The following JAG2 variants were observed in gnomAD, a reference collection of about 807,000 sequenced individuals.
JAG2 encodes jagged canonical Notch ligand 2, also known as protein jagged-2.
JAG2 carries 46 observed loss-of-function variants against 141.7 expected under a neutral mutation model. That is an observed-to-expected ratio of 0.32 (90% confidence interval 0.26 to 0.42). JAG2 has a LOEUF of 0.42. Among genes scored for constraint, JAG2 ranks in the 10% least tolerant of loss-of-function variants. The pLI, the probability that JAG2 is intolerant of heterozygous loss-of-function variation, is 1.00. For synonymous variants in JAG2, 862 were observed against 763.5 expected (o/e 1.13, Z -2.13); for missense variants, 1,500 against 1,817.5 (o/e 0.83, Z 3.18).
At position 105,167,986 on chromosome 14, in the gene JAG2, C is replaced by A. The variant is rs369874899; in HGVS notation, c.188G>T (p.Gly63Val). Residue 63 changes from glycine to valine, a missense_variant, in exon 2 of 26, where the codon GGC (glycine) becomes GTC (valine). By Grantham distance (109) the Gly-to-Val change is moderately radical. Coordinates refer to ENST00000331782, the MANE Select transcript of JAG2 (RefSeq NM_002226.5). This position sits in a 1 kb window ranked among gnomAD's most constrained non-coding sequence, Gnocchi z 4.8. The stretch of plus-strand genomic sequence containing the variant: ...CACGTACGTGTCGCACTCGTCGTGG[C>A]CGCAGCCCCCCGCGCGCGTTGTCCG... ...DGRTTRAGGCGHDECDTYVRV... is the reference protein window; with the variant it reads ...DGRTTRAGGCVHDECDTYVRV... The A allele has an allele frequency of 3.1e-6, 5 of 1,602,130 alleles. No individual in the cohort carries two copies. The Admixed American group carries it at 5.0e-5, about 16-fold the overall frequency.
intron 24 of JAG2, among the ~76,000 whole-genome samples, 159 bp downstream of exon 24, chr14:105,144,771 T>G (rs1888171591): frequency 6.6e-6 from 1 of 152,166 alleles, no homozygotes; most frequent in Admixed American, 6.5e-5. Context: ...GTTCCACGGG[T>G]CTGCGGCATG....
rs927564963 is a variant in JAG2, at chr14:105,142,573, T to G, written c.*122A>C. On this transcript the variant is annotated 3_prime_UTR_variant, in exon 26 of 26. Coordinates refer to ENST00000331782, the MANE Select transcript of JAG2 (RefSeq NM_002226.5). ...ACGTAGAAAATAAACATTTGGTTTT[T>G]GTTTTTGGTGGTTTTTTTACACAAA... 9 of 693,474 alleles carry G rather than the reference T, an allele frequency of 1.3e-5. No individual in the cohort carries two copies. The highest frequency in any genetic ancestry group is 1.7e-5 in the Non-Finnish European group (7 of 417,412). The allele number at this position is 693,474 out of a possible 1,614,324, so 43.0% of individuals were successfully genotyped here.
Position 105,167,636 on chromosome 14 carries a change from G to C in JAG2, c.417+121C>G. On this transcript the variant is annotated intron_variant, in intron 2 of 25. Transcript: ENST00000331782. The surrounding 1 kb of genome is among the most constrained non-coding windows in gnomAD (Gnocchi z 4.8). ...ACGCGCCCCCTGCCGGCCCCGCCCC[G>C]CCTGGGCGCGCGCGGCTCGCACGCA... The C allele has an allele frequency of 2.6e-6, 3 of 1,143,138 alleles. No homozygotes were observed. Among genetic ancestry groups the C allele is most frequent in the Non-Finnish European group, 1.1e-6 (1 of 921,774 alleles). 70.8% of individuals were successfully genotyped at this position (1,143,138 alleles called of 1,614,324 possible).
Position 105,148,132 on chromosome 14 carries a change from G to A in JAG2, c.2232C>T (p.Gly744=). 6.5e-7 allele frequency: 1 copy of A among 1,548,728 alleles called. No individual in the cohort carries two copies. The highest frequency in any genetic ancestry group is 1.4e-5 in the African/African-American group (1 of 73,134). The change falls in exon 17 of 26, where the codon GGC becomes GGT. Residue 744 remains glycine, a synonymous_variant. Coordinates refer to ENST00000331782, the MANE Select transcript of JAG2 (RefSeq NM_002226.5). ...FRCACPPGWK[G]STCAVAKNSS... ...GCTCCTCACCGACGGCGCAGGTGCT[G>A]CCCTTCCAGCCGGGGGGGCAGGCGC...
intron 2 of JAG2, among the ~76,000 whole-genome samples, chr14:105,162,751 GTGCACCC>G (rs1468595917): frequency 0.013 from 932 of 74,132 alleles, 2 homozygotes; most frequent in African/African-American, 0.049. Flanking sequence ...CCACAGCCTT[GTGCACCC>G]CATGGCCCAG....
chr14:105,158,994 C>CA lies in JAG2; in HGVS notation c.418-1232dup, dbSNP rs376276020. Among the ~76,000 whole-genome samples, 174 of 152,186 alleles carry CA rather than the reference C, an allele frequency of 1.1e-3. 2 individuals carry two copies. Among genetic ancestry groups the CA allele is most frequent in the African/African-American group, 3.9e-3 (160 of 41,482 alleles). On this transcript the variant is annotated intron_variant, in intron 2 of 25. Transcript: ENST00000331782. ...CCCGCCGCCCACCCCACGCACGTCCCAGTGCCTCGGCCTCATCCAGCTAAG... is the reference window on the plus strand; with the variant it reads ...CCCGCCGCCCACCCCACGCACGTCCCAAGTGCCTCGGCCTCATCCAGCTAAG...
chr14:105,168,478 C>A lies in JAG2; in HGVS notation c.-58G>T. ...CCGCCGCCCGCGCCCGGCTCCCAGC[C>A]GCCGCGCCGGCCTCCCAGCGCCCGC... On this transcript the variant is annotated 5_prime_UTR_variant, in exon 1 of 26. Coordinates refer to ENST00000331782, the MANE Select transcript of JAG2 (RefSeq NM_002226.5). 1 of 466,170 alleles carries A rather than the reference C, an allele frequency of 2.1e-6. No homozygotes were observed. Among genetic ancestry groups the A allele is most frequent in the Non-Finnish European group, 2.8e-6 (1 of 358,548 alleles). 28.9% of individuals were successfully genotyped at this position (466,170 alleles called of 1,614,324 possible). A position where few individuals can be genotyped will look rare whatever the true frequency, so the allele number is the denominator to read the frequency against.
rs1888532979 is a variant in JAG2 at position 105,154,851 on chromosome 14, A to G, written c.788+711T>C. On this transcript the variant is annotated intron_variant, in intron 5 of 25. Coordinates refer to ENST00000331782, the MANE Select transcript of JAG2 (RefSeq NM_002226.5). The surrounding 1 kb of genome is among the most constrained non-coding windows in gnomAD (Gnocchi z 4.4). ...TTCCTCCTGCCACCATGGCTCTGCT[A>G]CTCAGCAGCTTGGGGTTCTCCCTGA... Among the ~76,000 whole-genome samples, 1 of 151,628 alleles carries G rather than the reference A, an allele frequency of 6.6e-6. No individual in the cohort carries two copies. Among genetic ancestry groups the G allele is most frequent in the Non-Finnish European group, 1.5e-5 (1 of 67,908 alleles).
intron 1 of JAG2, 108 bp downstream of exon 1, chr14:105,168,247 C>G (rs1193142223): frequency 1.3e-6 from 1 of 781,716 alleles, no homozygotes; most frequent in Non-Finnish European, 1.6e-6. Context: ...CGCGCGCAGC[C>G]TCGAGGGCTT....
rs977927667 is a variant in JAG2 at position 105,145,716 on chromosome 14, C to T, written c.2952+15G>A. The T allele has an allele frequency of 6.3e-7, 1 of 1,585,662 alleles. No individual in the cohort carries two copies. Among genetic ancestry groups the T allele is most frequent in the Non-Finnish European group, 8.6e-7 (1 of 1,166,740 alleles). ...GTGTGGCCTCTGCAAGCTCAGATGC[C>T]ACCAGGCCCCTCACCTGGGGCACGT... On this transcript the variant is annotated intron_variant, in intron 23 of 25. Coordinates refer to ENST00000331782, the MANE Select transcript of JAG2 (RefSeq NM_002226.5).
Position 105,141,428 on chromosome 14 carries a change from T to C in JAG2, c.*1267A>G, listed in dbSNP as rs587631770. The stretch of plus-strand genomic sequence containing the variant: ...ATACGTATTCGTGGGTAAGCAATTT[T>C]ATACTATTTTATAAAACTGTTTTCA... On this transcript the variant is annotated 3_prime_UTR_variant, in exon 26 of 26. Transcript: ENST00000331782. The C allele has an allele frequency of 1.3e-5, 2 of 152,388 alleles. No individual in the cohort carries two copies. Among genetic ancestry groups the C allele is most frequent in the East Asian group, 3.9e-4 (2 of 5,190 alleles). 9.4% of individuals were successfully genotyped at this position (152,388 alleles called of 1,614,324 possible).
chr14:105,146,804 G>T, intron 20 of JAG2, 80 bp from the exon 21 acceptor site: 2 of 1,141,820 alleles, frequency 1.8e-6, no homozygotes, highest in Non-Finnish European at 2.6e-6. Context: ...GCAGCGGGGA[G>T]CCAGTGGCAC....
intron 5 of JAG2, among the ~76,000 whole-genome samples, chr14:105,153,568 C>T (rs1888499828): frequency 6.6e-6 from 1 of 152,092 alleles, no homozygotes; most frequent in African/African-American, 2.4e-5. Context: ...CCCCAGGGCC[C>T]TGGAGAGGCG....
chr14:105,158,772 G>A (rs1450401078), intron 2 of JAG2, among the ~76,000 whole-genome samples: 1 of 152,076 alleles, frequency 6.6e-6, no homozygotes, highest in African/African-American at 2.4e-5. Flanking sequence ...GGAGGGGGCT[G>A]GGGCTGAGTC....
intron 2 of JAG2, among the ~76,000 whole-genome samples, chr14:105,162,779 G>C (rs1458570593): frequency 0.013 from 1,026 of 80,338 alleles, 2 homozygotes; most frequent in African/African-American, 0.031. Context: ...TGTACCCACA[G>C]TCCAGGGCAC....
rs763445851 is a variant in JAG2 at position 105,145,074 on chromosome 14, AGGCAGTGCGTG to A, written c.2953-24_2953-14del. The A allele has an allele frequency of 1.6e-5, 25 of 1,609,434 alleles. No homozygotes were observed. The South Asian group carries it at 2.6e-4, about 17-fold the overall frequency. ...CCACCGTGGTGCCCTGGGCAGAGAC[AGGCAGTGCGTG>A]GGCAGGGCAGGGCCGTGAACCTGAC... On this transcript the variant is annotated splice_polypyrimidine_tract_variant and intron_variant, in intron 23 of 25. Coordinates refer to ENST00000331782, the MANE Select transcript of JAG2 (RefSeq NM_002226.5).
rs970834719 is a variant in JAG2 at position 105,155,479 on chromosome 14, C to T, written c.788+83G>A. The T allele has an allele frequency of 6.6e-6, 10 of 1,521,866 alleles. No homozygotes were observed. The African/African-American group carries it at 9.6e-5, about 15-fold the overall frequency. The allele number at this position is 1,521,866 out of a possible 1,614,324, so 94.3% of individuals were successfully genotyped here. On this transcript the variant is annotated intron_variant, in intron 5 of 25. Coordinates refer to ENST00000331782, the MANE Select transcript of JAG2 (RefSeq NM_002226.5). Reference sequence around the variant, plus strand: ...CCAACCTCCAGCCAGCTCCGGGCGACTCCTGACAGCAAGGCTGTGTGTGCC... The same window carrying T: ...CCAACCTCCAGCCAGCTCCGGGCGATTCCTGACAGCAAGGCTGTGTGTGCC...
intron 5 of JAG2, 36 bp downstream of exon 5, chr14:105,155,526 G>T: frequency 3.1e-6 from 5 of 1,611,022 alleles, no homozygotes; most frequent in Non-Finnish European, 4.2e-6. Flanking sequence ...GAGGGCAAAG[G>T]TTGGGAGGGC....
rs370084908 is a variant in JAG2 at position 105,150,684 on chromosome 14, G to A, written c.1522C>T (p.His508Tyr). 44 of 1,553,038 alleles carry A rather than the reference G, an allele frequency of 2.8e-5. No homozygotes were observed. The African/African-American group carries it at 5.1e-4, about 18-fold the overall frequency. Residue 508 changes from histidine (H) to tyrosine (Y), a missense_variant, in exon 12 of 26, where the codon CAC becomes TAC. By Grantham distance (83) the His-to-Tyr change is moderately conservative (BLOSUM62 2). Transcript: ENST00000331782. ...ERDECASSPCHSGGLCEDLAD... is the reference protein window; with the variant it reads ...ERDECASSPCYSGGLCEDLAD... ...AGGTCCTCGCAGAGGCCGCCGCTGT[G>A]GCAGGGGCTGCTGGCACACTCGTCT...
Sources: allele counts gnomAD v4.1 joint callset (sites outside exome capture counted in the v4.1 genomes callset), GRCh38; gene constraint gnomAD v4.1.1; non-coding constraint Gnocchi (gnomAD v3.1); transcripts MANE v1.5; gene names NCBI Gene and HGNC (gene_info 2026-07-23, HGNC 2026-07-21).